The following USP43 variants were observed in gnomAD, a reference collection of about 807,000 sequenced individuals.
The protein encoded by USP43 is ubiquitin specific peptidase 43.
Under a neutral mutation model 90.7 loss-of-function variants are expected in USP43, and 33 were observed. The observed-to-expected ratio is 0.36, with a 90% confidence interval of 0.28 to 0.49. The LOEUF (loss-of-function observed/expected upper bound fraction) is 0.49, where lower values mean the gene tolerates loss of function less well. Among genes scored for constraint, USP43 ranks in the 20% least tolerant of loss-of-function variants. USP43 has a pLI of 0.98. For missense variants in USP43, 1,274 were observed against 1,476.4 expected (o/e 0.86, Z 2.25); for synonymous variants, 598 against 615.8 (o/e 0.97, Z 0.43).
In USP43 at chr17:9,686,522, A is replaced by G. The variant is rs952955184; in HGVS notation, c.1242-276A>G. Among the ~76,000 whole-genome samples, 4 of 152,098 alleles carry G rather than the reference A, an allele frequency of 2.6e-5. No homozygotes were observed. The highest frequency in any genetic ancestry group is 9.7e-5 in the African/African-American group (4 of 41,416). On this transcript the variant is annotated intron_variant, in intron 7 of 14. Transcript: ENST00000285199. The surrounding 1 kb of genome is among the most constrained non-coding windows in gnomAD (Gnocchi z 5.5). ...CCTAACTGGGGTAAGATGATATCTC[A>G]TTGGGGTTTTGACTTGCATTTCCCT...
Position 9,682,883 on chromosome 17 carries a change from C to T in USP43, c.1166C>T (p.Ser389Phe), listed in dbSNP as rs767670956. The T allele has an allele frequency of 1.9e-6, 3 of 1,614,040 alleles. No individual in the cohort carries two copies. The highest frequency in any genetic ancestry group is 1.1e-5 in the South Asian group (1 of 91,084). Residue 389 changes from serine to phenylalanine, a missense_variant, in exon 7 of 15, where the codon TCC becomes TTC. This residue lies in a region of USP43 where 253 missense variants were observed against 276.0 expected (regional missense o/e 0.92). Coordinates refer to ENST00000285199, the MANE Select transcript of USP43 (RefSeq NM_153210.5). ...RLAAREGQRF[S>F]LSLHSESKVL... ...GCAGCCCGTGAGGGCCAGCGATTCT[C>T]CCTCTCTCTCCACAGTGAGAGCAAG...
At chr17:9,675,026 C>A (rs753412307) in intron 4 of USP43, 43 bp downstream of exon 4, 2 of 1,546,244 alleles carry the variant, frequency 1.3e-6, no homozygotes, top group Non-Finnish European at 8.9e-7. Context: ...TGACTTCCAT[C>A]CTTACTCATT....
chr17:9,693,062 T>A, intron 8 of USP43, 65 bp from the exon 9 acceptor site: 2 of 1,204,802 alleles, frequency 1.7e-6, no homozygotes, highest in Non-Finnish European at 2.4e-6. Context: ...ATGCGCCCCT[T>A]TAGAGTCTAA....
intron 8 of USP43, among the ~76,000 whole-genome samples, chr17:9,692,456 G>A (rs1009970955): frequency 4.6e-5 from 7 of 152,206 alleles, no homozygotes; most frequent in African/African-American, 1.7e-4. Context: ...TGATGTTGCT[G>A]ATCTTTTCAT....
At chr17:9,725,130 G>T (rs984637269) in intron 14 of USP43, among the ~76,000 whole-genome samples, 2 of 152,220 alleles carry the variant, frequency 1.3e-5, no homozygotes, top group Admixed American at 1.3e-4. Context: ...TGTGGAGGGG[G>T]TGTCAGGGGA....
At chr17:9,706,762 G>A (rs889244317) in intron 12 of USP43, among the ~76,000 whole-genome samples, 15 of 145,858 alleles carry the variant, frequency 1.0e-4, no homozygotes, top group Non-Finnish European at 1.8e-4. Context: ...TCCTGCCTCA[G>A]CCTCCTGAGT....
At chr17:9,692,795 AAATT>A (rs1915034720) in intron 8 of USP43, among the ~76,000 whole-genome samples, 1 of 152,186 alleles carries the variant, frequency 6.6e-6, no homozygotes, top group Admixed American at 6.5e-5. Flanking sequence ...TACCTATTAA[AAATT>A]AATTAACATG....
At chr17:9,679,837 A>G (rs551624074) in intron 5 of USP43, among the ~76,000 whole-genome samples, 7 of 152,070 alleles carry the variant, frequency 4.6e-5, no homozygotes, top group East Asian at 1.9e-4. Context: ...ACCATCTCCT[A>G]TTTACTTCAA....
At chr17:9,688,424 T>C (rs1158635830) in intron 8 of USP43, among the ~76,000 whole-genome samples, 55 of 139,898 alleles carry the variant, frequency 3.9e-4, no homozygotes, top group East Asian at 2.5e-3. Flanking sequence ...GATCTCGGCT[T>C]ACTGCAACCT....
At position 9,645,690 on chromosome 17, in the gene USP43, C is replaced by G. The variant is rs1209634002; in HGVS notation, c.58C>G (p.Arg20Gly). The change falls in exon 1 of 15, where the codon CGC becomes GGC. Residue 20 changes from arginine to glycine, a missense_variant. Around this residue, in one of 6 missense-constraint regions of USP43, gnomAD observed 112 missense variants for 106.6 expected, o/e 1.05. Coordinates refer to ENST00000285199, the MANE Select transcript of USP43 (RefSeq NM_153210.5). This position sits in a 1 kb window ranked among gnomAD's most constrained non-coding sequence, Gnocchi z 6.8. ...GGGPLAPRPR[R>G]RRSLRRLFSR... The stretch of plus-strand genomic sequence containing the variant: ...GGGACCGCTCGCGCCCCGGCCCCGC[C>G]GCCGCCGCTCCCTGCGCCGCCTGTT... The G allele has an allele frequency of 1.7e-5, 22 of 1,292,888 alleles. No individual in the cohort carries two copies. Among genetic ancestry groups the G allele is most frequent in the East Asian group, 3.2e-5 (1 of 31,018 alleles). The allele number at this position is 1,292,888 out of a possible 1,614,324, so 80.1% of individuals were successfully genotyped here.
intron 1 of USP43, 26 bp downstream of exon 1, chr17:9,646,162 C>T (rs1047049731): frequency 1.4e-6 from 2 of 1,399,360 alleles, no homozygotes; most frequent in South Asian, 1.6e-5. Context: ...CCGCCGACCG[C>T]CCTGTCCCCC....
chr17:9,704,332 TTG>T (rs1319077023), intron 12 of USP43, among the ~76,000 whole-genome samples: 1 of 152,134 alleles, frequency 6.6e-6, no homozygotes, highest in African/African-American at 2.4e-5. Flanking sequence ...AGATGGAATC[TTG>T]CTCTGTCACC....
intron 13 of USP43, 21 bp from the exon 14 acceptor site, chr17:9,711,947 C>G (rs920079382): frequency 6.4e-7 from 1 of 1,574,800 alleles, no homozygotes; most frequent in African/African-American, 1.4e-5. Context: ...CTCAGCCTCC[C>G]TCTCTGTGTT....
At position 9,701,560 on chromosome 17, in the gene USP43, C is replaced by T; in HGVS notation, c.1871C>T (p.Thr624Ile). The change falls in exon 12 of 15, where the codon ACC (threonine) becomes ATC (isoleucine). Residue 624 changes from threonine to isoleucine, a missense_variant. By Grantham distance (89) the Thr-to-Ile change is moderately conservative. This residue lies in a region of USP43 where 285 missense variants were observed against 349.6 expected (regional missense o/e 0.82). Coordinates refer to ENST00000285199, the MANE Select transcript of USP43 (RefSeq NM_153210.5). The surrounding 1 kb of genome is among the most constrained non-coding windows in gnomAD (Gnocchi z 7.2). ...NMAPHVAQRS[T>I]SPEAGLGPWP... ...GCTCCCCATGTGGCCCAGAGAAGCA[C>T]CAGCCCTGAGGCAGGACTGGGCCCC... The T allele has an allele frequency of 6.4e-7, 1 of 1,566,810 alleles. No individual in the cohort carries two copies. Among genetic ancestry groups the T allele is most frequent in the Non-Finnish European group, 8.6e-7 (1 of 1,156,178 alleles).
At chr17:9,667,737 A>G (rs1913134666) in intron 3 of USP43, among the ~76,000 whole-genome samples, 1 of 152,216 alleles carries the variant, frequency 6.6e-6, no homozygotes, top group South Asian at 2.1e-4. Context: ...GCCATTGGTT[A>G]CAGAGAGCCT....
intron 1 of USP43, among the ~76,000 whole-genome samples, chr17:9,652,150 C>T (rs1368143082): frequency 2.7e-5 from 4 of 145,688 alleles, no homozygotes; most frequent in South Asian, 2.1e-4. Flanking sequence ...TTTGAGAGGC[C>T]GAGATGGGAG....
At position 9,712,023 on chromosome 17, in the gene USP43, T is replaced by C. The variant is rs781258398; in HGVS notation, c.2226T>C (p.Ala742=). 10 of 1,612,134 alleles carry C rather than the reference T, an allele frequency of 6.2e-6. No individual in the cohort carries two copies. The highest frequency in any genetic ancestry group is 8.5e-6 in the Non-Finnish European group (10 of 1,179,164). Residue 742 remains alanine, a synonymous_variant, in exon 14 of 15, where the codon GCT becomes GCC. Coordinates refer to ENST00000285199, the MANE Select transcript of USP43 (RefSeq NM_153210.5). ...GGCTCTTACGGCTCGGGAGCCACGC[T>C]GGCAGCACAAGGGGAAGCCTGCTGT... ...DHWLLRLGSH[A]GSTRGSLLSW...
chr17:9,714,832 G>GA (rs1402084625), intron 14 of USP43, among the ~76,000 whole-genome samples: 7 of 152,096 alleles, frequency 4.6e-5, no homozygotes, highest in Non-Finnish European at 8.8e-5. Context: ...GTTGACAGAT[G>GA]AAAAAAAGAG....
At chr17:9,671,421 GT>G (rs2151970511) in intron 3 of USP43, among the ~76,000 whole-genome samples, 1 of 152,034 alleles carries the variant, frequency 6.6e-6, no homozygotes, top group South Asian at 2.1e-4. Context: ...CATAATTACT[GT>G]TGTTTGCATA....
Sources: allele counts gnomAD v4.1 joint callset (sites outside exome capture counted in the v4.1 genomes callset), GRCh38; gene constraint gnomAD v4.1.1; regional missense constraint gnomAD v4.1.1; non-coding constraint Gnocchi (gnomAD v3.1); transcripts MANE v1.5; gene names NCBI Gene and HGNC (gene_info 2026-07-23, HGNC 2026-07-21).